Variants in LARGE1 observed in about 807,000 individuals in gnomAD.
LARGE1 encodes LARGE xylosyl- and glucuronyltransferase 1.
In LARGE1, 43 loss-of-function variants were observed where a neutral mutation model predicts 87.6. The observed-to-expected ratio is 0.49, with a 90% confidence interval of 0.38 to 0.63. The LOEUF (loss-of-function observed/expected upper bound fraction) is 0.63. Ranked by LOEUF, LARGE1 falls within the 30% of genes least tolerant of loss-of-function variation. LARGE1 has a pLI of 0.00. For synonymous variants in LARGE1, 434 were observed against 394.6 expected, an observed-to-expected ratio of 1.10 and a Z score of -1.18; for missense variants, 802 against 1,000.2, an observed-to-expected ratio of 0.80 and a Z score of 2.67.
the LARGE1 span, among the ~76,000 whole-genome samples, chr22:33,124,204 T>C: frequency 6.6e-6 from 1 of 151,740 alleles, no homozygotes; most frequent in Non-Finnish European, 1.5e-5. Flanking sequence ...GGAGAATCAC[T>C]TGAGGCAGGA....
chr22:33,278,650 G>C lies in LARGE1; in HGVS notation c.1878-1395C>G, dbSNP rs543279770. On this transcript the variant is annotated intron_variant, in intron 13 of 14. Transcript: ENST00000397394. ...GTCAAAGTACAAGTAGTCAGTGGTG[G>C]AGTTGTGATTCAAACCCGGGAAGCC... Among the ~76,000 whole-genome samples the C allele has an allele frequency of 9.9e-5, 15 of 152,214 alleles. No homozygotes were observed. In the East Asian group the frequency reaches 1.9e-3, roughly 20 times the overall value.
chr22:33,463,764 C>T (rs1452945907), intron 6 of LARGE1, among the ~76,000 whole-genome samples: 1 of 152,136 alleles, frequency 6.6e-6, no homozygotes, highest in Non-Finnish European at 1.5e-5. Context: ...CCTCCGCCTC[C>T]CAGGTTCAAG....
chr22:33,342,655 ACTAGGACCCAGGT>A (rs1227479260), intron 9 of LARGE1, among the ~76,000 whole-genome samples: 4 of 152,156 alleles, frequency 2.6e-5, no homozygotes, highest in Admixed American at 6.5e-5. Context: ...CAGGGTTGGG[ACTAGGACCCAGGT>A]CTCCTGGTGC....
chr22:33,330,851 T>C (rs1013480458), intron 10 of LARGE1, among the ~76,000 whole-genome samples: 3 of 152,204 alleles, frequency 2.0e-5, no homozygotes, highest in Non-Finnish European at 4.4e-5. Flanking sequence ...GATGTCCTTA[T>C]TTTTATTTTG....
chr22:33,655,622 A>G (rs935922003), intron 2 of LARGE1, among the ~76,000 whole-genome samples: 4 of 152,100 alleles, frequency 2.6e-5, no homozygotes, highest in African/African-American at 9.7e-5. Context: ...CTGCTTCTCT[A>G]AAGAGCCCTG....
rs3072289 is a variant in LARGE1, at chr22:33,697,549, C to CAAAAAAAAAA, written c.107-46891_107-46882dup. Among the ~76,000 whole-genome samples the CAAAAAAAAAA allele has an allele frequency of 5.1e-3, 277 of 54,048 alleles. 9 individuals are homozygous for CAAAAAAAAAA. Among genetic ancestry groups the CAAAAAAAAAA allele is most frequent in the African/African-American group, 0.013 (159 of 11,882 alleles). 35.5% of individuals were successfully genotyped at this position (54,048 alleles called of 152,430 possible). On this transcript the variant is annotated intron_variant, in intron 2 of 14. Transcript: ENST00000397394. ...CTGGCGACAAAGCTAGACTCTGTCC[C>CAAAAAAAAAA]AAAAAAAAAAAAAAAAAAAAAGGAA...
At chr22:33,390,849 A>G (rs1297044149) in intron 7 of LARGE1, among the ~76,000 whole-genome samples, 1 of 152,032 alleles carries the variant, frequency 6.6e-6, no homozygotes, top group East Asian at 1.9e-4. Flanking sequence ...GTGCGCCACC[A>G]GGCCTGGCTA....
chr22:33,607,944 C>T (rs1466743042), intron 4 of LARGE1, among the ~76,000 whole-genome samples: 1 of 152,206 alleles, frequency 6.6e-6, no homozygotes, highest in Non-Finnish European at 1.5e-5. Flanking sequence ...TACAGCTTCC[C>T]TAAATGCCCT....
At chr22:33,334,412 A>C (rs1938157833) in intron 10 of LARGE1, among the ~76,000 whole-genome samples, 1 of 93,084 alleles carries the variant, frequency 1.1e-5, no homozygotes, top group Admixed American at 1.1e-4. Flanking sequence ...TCTGTCTCAA[A>C]AAAAAAAAAA....
In LARGE1 at chr22:33,883,608, C is replaced by T. The variant is rs117614152; in HGVS notation, c.-83+36387G>A. Among the ~76,000 whole-genome samples, 1,253 of 152,380 alleles carry T rather than the reference C, an allele frequency of 8.2e-3. 10 individuals carry two copies. Among genetic ancestry groups the T allele is most frequent in the South Asian group, 0.032 (153 of 4,832 alleles). Reference sequence around the variant, plus strand: ...TTGGGTTCCTCTCTGTCATCCTCTCCCAATACTTTCCTAGGGGCTTGCGCC... The same window carrying T: ...TTGGGTTCCTCTCTGTCATCCTCTCTCAATACTTTCCTAGGGGCTTGCGCC... On this transcript the variant is annotated intron_variant, in intron 1 of 14. Coordinates refer to ENST00000397394, the MANE Select transcript of LARGE1 (RefSeq NM_133642.5).
intron 6 of LARGE1, among the ~76,000 whole-genome samples, chr22:33,509,772 T>C (rs536345547): frequency 6.6e-6 from 1 of 152,224 alleles, no homozygotes; most frequent in Non-Finnish European, 1.5e-5. Context: ...GTTCTGTGTT[T>C]TTATAAATGA....
intron 1 of LARGE1, among the ~76,000 whole-genome samples, chr22:33,895,087 G>A (rs539717442): frequency 5.9e-5 from 9 of 152,244 alleles, no homozygotes; most frequent in Admixed American, 5.9e-4. Flanking sequence ...TGGGGGATGG[G>A]GAGGAGAGTA....
At chr22:33,848,743 C>T (rs991132514) in intron 1 of LARGE1, among the ~76,000 whole-genome samples, 11 of 152,198 alleles carry the variant, frequency 7.2e-5, no homozygotes, top group Non-Finnish European at 1.5e-4. Context: ...AGACAAGACC[C>T]TTTAATGGAT....
At chr22:33,339,540 G>A (rs959786256) in intron 9 of LARGE1, among the ~76,000 whole-genome samples, 2 of 151,976 alleles carry the variant, frequency 1.3e-5, no homozygotes, top group Admixed American at 6.6e-5. Flanking sequence ...GATGCAAGTC[G>A]CAGGATGGGA....
At chr22:33,191,363 G>A (rs1219481197) in intron 11 of LARGE1, among the ~76,000 whole-genome samples, 2 of 152,136 alleles carry the variant, frequency 1.3e-5, no homozygotes, top group African/African-American at 4.8e-5. Flanking sequence ...ATCGCATCTT[G>A]GCTATTCTCT....
At position 33,825,227 on chromosome 22, in the gene LARGE1, G is replaced by A. The variant is rs74360329; in HGVS notation, c.-82-63669C>T. On this transcript the variant is annotated intron_variant, in intron 1 of 14. Transcript: ENST00000397394. ...TGAAGGAAATCCTTTGTAAAGGAAT[G>A]TTCCAGAGAACAGTTTGTTCATTTC... 4.6e-3 allele frequency among the ~76,000 whole-genome samples: 695 copies of A among 152,308 alleles called. 3 individuals carry two copies. The highest frequency in any genetic ancestry group is 0.015 in the African/African-American group (639 of 41,564).
intron 11 of LARGE1, among the ~76,000 whole-genome samples, chr22:33,237,082 C>T (rs1211686763): frequency 6.6e-6 from 1 of 152,200 alleles, no homozygotes; most frequent in Non-Finnish European, 1.5e-5. Flanking sequence ...AATCCTTCCA[C>T]TATATCCCTC....
chr22:33,729,830 C>T (rs16992904), intron 2 of LARGE1, among the ~76,000 whole-genome samples: 6,816 of 152,242 alleles, frequency 0.045, 250 homozygotes, highest in East Asian at 0.21. Context: ...AATGAGTTAG[C>T]GTACACACAT....
At chr22:33,680,856 C>T (rs2081746393) in intron 2 of LARGE1, among the ~76,000 whole-genome samples, 1 of 151,926 alleles carries the variant, frequency 6.6e-6, no homozygotes, top group African/African-American at 2.4e-5. Context: ...TGTCATCTGC[C>T]TGTTATGCAG....
Sources: allele counts gnomAD v4.1 joint callset (sites outside exome capture counted in the v4.1 genomes callset), GRCh38; gene constraint gnomAD v4.1.1; transcripts MANE v1.5; gene names NCBI Gene and HGNC (gene_info 2026-07-23, HGNC 2026-07-21).